LITAF: variants seen among roughly 807,000 people sequenced by gnomAD.
The protein encoded by LITAF is lipopolysaccharide induced TNF factor.
A neutral mutation model predicts 14.5 loss-of-function variants in LITAF; 9 were observed. That is an observed-to-expected ratio of 0.62 (90% CI 0.37 to 1.08). LITAF has a LOEUF of 1.08. LITAF is among the 50% of genes least tolerant of loss of function. The probability of loss-of-function intolerance (pLI) is 0.01; values close to 1 mark genes in which losing one functional copy is unlikely to be tolerated. For missense variants in LITAF, 206 were observed against 213.4 expected (o/e 0.97, Z 0.22); for synonymous variants, 98 against 88.2 (o/e 1.11, Z -0.62).
chr16:11,572,897 T>C (rs1401204191), intron 1 of LITAF, among the ~76,000 whole-genome samples: 3 of 151,704 alleles, frequency 2.0e-5, no homozygotes, highest in Non-Finnish European at 2.9e-5. Flanking sequence ...GAGCTCTCTG[T>C]ATTAATTGTA....
Position 11,632,133 on chromosome 16 carries a change from C to T in LITAF, c.85+1400G>A, listed in dbSNP as rs904818560. 1.3e-5 allele frequency among the ~76,000 whole-genome samples: 2 copies of T among 152,134 alleles called. No homozygotes were observed. The highest frequency in any genetic ancestry group is 4.8e-5 in the African/African-American group (2 of 41,434). On this transcript the variant is annotated intron_variant, in intron 3 of 3. Transcript: ENST00000574848. This position sits in a 1 kb window ranked among gnomAD's most constrained non-coding sequence, Gnocchi z 4.8. ...CCACCCGCCTCGGCCTCCCAAAGTGCTGGGATTACAGGCGTGAGCCACTGC... is the reference window on the plus strand; with the variant it reads ...CCACCCGCCTCGGCCTCCCAAAGTGTTGGGATTACAGGCGTGAGCCACTGC...
chr16:11,562,797 T>A (rs1401952360), intron 1 of LITAF, among the ~76,000 whole-genome samples: 1 of 151,724 alleles, frequency 6.6e-6, no homozygotes, highest in East Asian at 1.9e-4. Context: ...CTCTGGAGGC[T>A]AAGGTAGGAG....
At chr16:11,617,658 C>T (rs1489139185) in intron 3 of LITAF, among the ~76,000 whole-genome samples, 2 of 151,828 alleles carry the variant, frequency 1.3e-5, no homozygotes, top group Non-Finnish European at 2.9e-5. Context: ...AACTCCTGAC[C>T]TTGTCATCCG....
Position 11,634,951 on chromosome 16 carries a change from T to G in LITAF, c.-21+874A>C, listed in dbSNP as rs886171715. On this transcript the variant is annotated intron_variant, in intron 2 of 3. Coordinates refer to the LITAF transcript ENST00000574848. This position sits in a 1 kb window ranked among gnomAD's most constrained non-coding sequence, Gnocchi z 4.1. The stretch of plus-strand genomic sequence containing the variant: ...TGGGAGGCTGAGGCAGGAGAATCGA[T>G]TGAACCCGGGAAGCGGAGGTTGCAG... Among the ~76,000 whole-genome samples, 3 of 151,966 alleles carry G rather than the reference T, an allele frequency of 2.0e-5. No individual in the cohort carries two copies. Among genetic ancestry groups the G allele is most frequent in the African/African-American group, 7.3e-5 (3 of 41,370 alleles).
rs559735962 is a variant in LITAF at position 11,564,754 on chromosome 16, G to A, written c.-5-8019C>T. ...TAGCAGTTTTATCACTGATCATTCC[G>A]GCTCCACGACAGCCCTGGAATGAAC... On this transcript the variant is annotated intron_variant, in intron 1 of 3. Coordinates refer to ENST00000622633, the MANE Select transcript of LITAF (RefSeq NM_001136472.2). Among the ~76,000 whole-genome samples the A allele has an allele frequency of 3.9e-5, 6 of 152,156 alleles. No individual in the cohort carries two copies. In the East Asian group the frequency reaches 5.8e-4, roughly 15 times the overall value.
rs1597332396 is a variant in LITAF, at chr16:11,556,316, T to C, written c.220+195A>G. The C allele has an allele frequency of 5.0e-6, 3 of 601,358 alleles. No homozygotes were observed. In the East Asian group the frequency reaches 8.3e-5, roughly 17 times the overall value. 37.3% of individuals were successfully genotyped at this position (601,358 alleles called of 1,614,324 possible). The stretch of plus-strand genomic sequence containing the variant: ...CATGGGAAAGATCCTAAACCATACT[T>C]TATTACGGAAAAGCTGTGAGCCTCA... On this transcript the variant is annotated intron_variant, in intron 2 of 3. Transcript: ENST00000622633.
At chr16:11,559,813 A>G (rs1330512953) in intron 1 of LITAF, among the ~76,000 whole-genome samples, 1 of 147,712 alleles carries the variant, frequency 6.8e-6, no homozygotes, top group Admixed American at 6.9e-5. Flanking sequence ...TGAGCAACAT[A>G]GGGAGACACT....
At chr16:11,615,621 T>C (rs1037119672) in intron 3 of LITAF, among the ~76,000 whole-genome samples, 1 of 152,088 alleles carries the variant, frequency 6.6e-6, no homozygotes, top group African/African-American at 2.4e-5. Context: ...TGAACCGAGA[T>C]TGCACCACTG....
At chr16:11,581,986 C>T (rs2064744553) in intron 1 of LITAF, among the ~76,000 whole-genome samples, 1 of 152,098 alleles carries the variant, frequency 6.6e-6, no homozygotes, top group Non-Finnish European at 1.5e-5. Context: ...TACAAAGTTA[C>T]AGTTCAATGG....
intron 2 of LITAF, among the ~76,000 whole-genome samples, chr16:11,635,017 C>T (rs1286747051): frequency 1.3e-5 from 2 of 151,658 alleles, no homozygotes; most frequent in Non-Finnish European, 2.9e-5. Flanking sequence ...CTGGGCATCA[C>T]AGTGAGACTC....
At chr16:11,564,302 T>C (rs1053886928) in intron 1 of LITAF, among the ~76,000 whole-genome samples, 1 of 152,084 alleles carries the variant, frequency 6.6e-6, no homozygotes, top group Non-Finnish European at 1.5e-5. Flanking sequence ...CCTTAACTGA[T>C]ATTAATGCAC....
intron 1 of LITAF, among the ~76,000 whole-genome samples, chr16:11,583,247 T>C (rs1376968240): frequency 6.6e-6 from 1 of 152,192 alleles, no homozygotes; most frequent in Non-Finnish European, 1.5e-5. Context: ...AAGATAAAGT[T>C]ACCACAATCT....
intron 3 of LITAF, among the ~76,000 whole-genome samples, chr16:11,606,859 G>A (rs776943941): frequency 3.9e-5 from 6 of 152,064 alleles, no homozygotes; most frequent in East Asian, 1.9e-4. Context: ...GAGTGGTTTC[G>A]AACTCCTGAC....
chr16:11,557,126 CTG>C (rs1401491789), intron 1 of LITAF, among the ~76,000 whole-genome samples: 4 of 150,416 alleles, frequency 2.7e-5, no homozygotes, highest in Non-Finnish European at 4.4e-5. Flanking sequence ...TTTTCACTAA[CTG>C]TTTCAGGTAA....
chr16:11,588,549 GAA>G (rs1309578774), upstream of LITAF, among the ~76,000 whole-genome samples: 3 of 135,340 alleles, frequency 2.2e-5, no homozygotes, highest in African/African-American at 8.1e-5. Context: ...AAAGAAGAAA[GAA>G]AGAGAAAGAA....
At chr16:11,606,780 C>T (rs945293025) in intron 3 of LITAF, among the ~76,000 whole-genome samples, 1 of 151,370 alleles carries the variant, frequency 6.6e-6, no homozygotes, top group African/African-American at 2.4e-5. Context: ...GACTACAGGC[C>T]CCCACCACCA....
rs2141705278 is a variant in LITAF, at chr16:11,554,306, C to T, written c.221-617G>A. Among the ~76,000 whole-genome samples the T allele has an allele frequency of 1.3e-5, 2 of 152,298 alleles. 1 individual carries two copies. Among genetic ancestry groups the T allele is most frequent in the East Asian group, 3.9e-4 (2 of 5,186 alleles). ...CTTGATAAATAATCCACTCTCTTTA[C>T]ACAAACCCTTTGATAAACTCTGACA... On this transcript the variant is annotated intron_variant, in intron 2 of 3. Coordinates refer to ENST00000622633, the MANE Select transcript of LITAF (RefSeq NM_001136472.2).
upstream of LITAF, among the ~76,000 whole-genome samples, chr16:11,599,895 C>A (rs1238712669): frequency 4.6e-5 from 7 of 152,172 alleles, no homozygotes; most frequent in Non-Finnish European, 8.8e-5. Flanking sequence ...GCTCAAACAC[C>A]ACTGACCACT....
upstream of LITAF, among the ~76,000 whole-genome samples, chr16:11,600,172 A>AT: frequency 6.6e-6 from 1 of 151,862 alleles, no homozygotes; most frequent in Middle Eastern, 3.4e-3. The surrounding 1 kb of genome is among the most constrained non-coding windows in gnomAD (Gnocchi z 4.1). Context: ...TTGTTTTTGT[A>AT]TTTTTTATTT....
Sources: gnomAD v4.1 joint callset for allele counts (sites outside exome capture counted in the v4.1 genomes callset) on GRCh38, gnomAD v4.1.1 for gene constraint, Gnocchi (gnomAD v3.1) non-coding constraint, MANE v1.5 for transcripts, NCBI Gene and HGNC (gene_info 2026-07-23, HGNC 2026-07-21) for gene names.